Variants in ZNF892 observed in about 807,000 individuals in gnomAD.
ZNF892 encodes zinc finger protein 892.
the ZNF892 span, among the ~76,000 whole-genome samples, chr2:95,221,747 C>T: frequency 6.6e-6 from 1 of 152,134 alleles, no homozygotes; most frequent in South Asian, 2.1e-4. Context: ...GATGTGTCAA[C>T]TTTACTAGTC....
the ZNF892 span, among the ~76,000 whole-genome samples, chr2:95,230,648 G>A: frequency 2.6e-5 from 4 of 152,164 alleles, no homozygotes; most frequent in Admixed American, 6.5e-5. Flanking sequence ...CTCCGTCGCC[G>A]CCTCTGGGTG....
chr2:95,237,685 G>A, the ZNF892 span, among the ~76,000 whole-genome samples: 57 of 152,382 alleles, frequency 3.7e-4, no homozygotes, highest in African/African-American at 1.3e-3. Flanking sequence ...CAGGCTGAAA[G>A]CTAGGCCTGT....
the ZNF892 span, among the ~76,000 whole-genome samples, chr2:95,262,400 C>T: frequency 1.1e-4 from 17 of 152,152 alleles, no homozygotes; most frequent in African/African-American, 3.6e-4. Context: ...GCAGAGTGCC[C>T]GGCCGAAAGT....
At chr2:95,249,209 GTATATA>G in the ZNF892 span, among the ~76,000 whole-genome samples, 23 of 71,282 alleles carry the variant, frequency 3.2e-4, no homozygotes, top group South Asian at 5.3e-3. Context: ...ATATATGTAT[GTATATA>G]TATATATATA....
the ZNF892 span, chr2:95,215,333 T>G: frequency 2.1e-6 from 1 of 466,190 alleles, no homozygotes; most frequent in South Asian, 6.1e-5. Context: ...CAGCCCTTAT[T>G]CGTCATCAGA....
the ZNF892 span, among the ~76,000 whole-genome samples, chr2:95,227,761 C>A: frequency 6.6e-6 from 1 of 152,030 alleles, no homozygotes; most frequent in Non-Finnish European, 1.5e-5. Context: ...GGATTACAGG[C>A]ACACACCACC....
At chr2:95,259,220 A>G in the ZNF892 span, 1 of 152,566 alleles carries the variant, frequency 6.6e-6, no homozygotes, top group African/African-American at 2.4e-5. Context: ...GCTGTTTTCA[A>G]GTTGCCTTAG....
the ZNF892 span, among the ~76,000 whole-genome samples, chr2:95,217,631 T>C: frequency 1.3e-4 from 20 of 152,184 alleles, no homozygotes; most frequent in Non-Finnish European, 2.2e-4. Context: ...GGGGGAGAAA[T>C]AGGAAAGTAG....
At chr2:95,216,496 A>G in the ZNF892 span, among the ~76,000 whole-genome samples, 2 of 152,186 alleles carry the variant, frequency 1.3e-5, no homozygotes, top group African/African-American at 4.8e-5. Context: ...ATTTTTTTAT[A>G]GCTTATAGTA....
the ZNF892 span, chr2:95,215,546 C>A: frequency 7.4e-6 from 3 of 408,148 alleles, no homozygotes; most frequent in South Asian, 2.3e-4. Context: ...AGAAATATGT[C>A]CAAGCTCTTA....
the ZNF892 span, among the ~76,000 whole-genome samples, chr2:95,248,772 C>T: frequency 6.6e-6 from 1 of 152,086 alleles, no homozygotes; most frequent in East Asian, 1.9e-4. Context: ...AATTTCTTTT[C>T]CTCAGAACTT....
chr2:95,248,479 TC>T, the ZNF892 span, among the ~76,000 whole-genome samples: 6 of 152,148 alleles, frequency 3.9e-5, no homozygotes, highest in East Asian at 9.6e-4. Flanking sequence ...CACATGTACC[TC>T]CTGAATCTAA....
the ZNF892 span, among the ~76,000 whole-genome samples, chr2:95,255,234 C>G: frequency 3.8e-4 from 58 of 152,216 alleles, no homozygotes; most frequent in South Asian, 8.5e-3. Flanking sequence ...AAATTTCCCT[C>G]TACACACTGC....
At chr2:95,224,143 T>G in the ZNF892 span, among the ~76,000 whole-genome samples, 1 of 152,224 alleles carries the variant, frequency 6.6e-6, no homozygotes, top group East Asian at 1.9e-4. Flanking sequence ...AATCATTTAT[T>G]GTTGTTTATA....
the ZNF892 span, among the ~76,000 whole-genome samples, chr2:95,220,682 G>C: frequency 6.6e-6 from 1 of 152,170 alleles, no homozygotes; most frequent in African/African-American, 2.4e-5. Flanking sequence ...ATAACCTAAG[G>C]GTTTGTGGTA....
chr2:95,236,835 T>C, the ZNF892 span, among the ~76,000 whole-genome samples: 1 of 152,244 alleles, frequency 6.6e-6, no homozygotes, highest in African/African-American at 2.4e-5. Context: ...TTATTATTTC[T>C]GTGGAATACA....
At chr2:95,257,080 G>A in the ZNF892 span, among the ~76,000 whole-genome samples, 1 of 152,220 alleles carries the variant, frequency 6.6e-6, no homozygotes, top group Non-Finnish European at 1.5e-5. Context: ...ATTTGTCAAA[G>A]TCATTCTGTG....
the ZNF892 span, among the ~76,000 whole-genome samples, chr2:95,258,051 G>T: frequency 6.6e-6 from 1 of 152,098 alleles, no homozygotes; most frequent in Admixed American, 6.5e-5. Flanking sequence ...TTTGGCTCAC[G>T]CTCGGTGTGC....
chr2:95,253,743 A>G, the ZNF892 span, among the ~76,000 whole-genome samples: 1 of 152,092 alleles, frequency 6.6e-6, no homozygotes, highest in African/African-American at 2.4e-5. Flanking sequence ...ATTTGTTTGT[A>G]TCCTCTTTTA....
Sources: allele counts gnomAD v4.1 joint callset (sites outside exome capture counted in the v4.1 genomes callset), GRCh38; gene constraint gnomAD v4.1.1; transcripts MANE v1.5; gene names NCBI Gene and HGNC (gene_info 2026-07-23, HGNC 2026-07-21).